The following TAFA1 variants were observed in gnomAD, a reference collection of about 807,000 sequenced individuals.
TAFA1 encodes the protein chemokine-like protein TAFA-1.
A neutral mutation model predicts 18.5 loss-of-function variants in TAFA1; 4 were observed. The ratio of observed to expected loss-of-function variants is 0.22; its 90% CI spans 0.11 to 0.49. TAFA1 has a LOEUF of 0.49. Ranked by LOEUF, TAFA1 falls within the 20% of genes least tolerant of loss-of-function variation. The pLI is 0.98. For synonymous variants in TAFA1, 56 were observed against 55.2 expected (o/e 1.01, Z -0.06); for missense variants, 147 against 169.0 (o/e 0.87, Z 0.72).
At chr3:68,282,063 A>T (rs945587079) in intron 2 of TAFA1, among the ~76,000 whole-genome samples, 13 of 152,284 alleles carry the variant, frequency 8.5e-5, no homozygotes, top group African/African-American at 2.9e-4. Flanking sequence ...CAGCAAGAGG[A>T]AGTGCTGAGC....
intron 2 of TAFA1, among the ~76,000 whole-genome samples, chr3:68,359,301 G>A (rs554329119): frequency 1.7e-4 from 26 of 152,060 alleles, no homozygotes; most frequent in South Asian, 8.3e-4. Flanking sequence ...TAATGATCCC[G>A]CCAATGATAC....
chr3:68,481,961 A>G (rs1279758462), intron 3 of TAFA1, among the ~76,000 whole-genome samples: 3 of 152,152 alleles, frequency 2.0e-5, no homozygotes, highest in African/African-American at 7.2e-5. Context: ...CAACTTTTAC[A>G]CAGAATCTGT....
At chr3:68,177,676 G>A (rs185782426) in intron 2 of TAFA1, among the ~76,000 whole-genome samples, 103 of 152,268 alleles carry the variant, frequency 6.8e-4, no homozygotes, top group African/African-American at 2.3e-3. Context: ...GAATATAATA[G>A]TTACAAGCTG....
intron 3 of TAFA1, among the ~76,000 whole-genome samples, chr3:68,430,678 C>T (rs1214906162): frequency 6.6e-6 from 1 of 151,936 alleles, no homozygotes; most frequent in East Asian, 1.9e-4. Context: ...CAAAGCAAAG[C>T]AAGTCAAATT....
intron 2 of TAFA1, among the ~76,000 whole-genome samples, chr3:68,168,474 C>T (rs1047056431): frequency 5.3e-5 from 8 of 152,210 alleles, no homozygotes; most frequent in Admixed American, 1.3e-4. Context: ...TATAACTTTA[C>T]ATTTCTGAAA....
chr3:68,544,397 A>G, intron 4 of TAFA1, 89 bp from the exon 5 acceptor site: 1 of 1,318,030 alleles, frequency 7.6e-7, no homozygotes, highest in Non-Finnish European at 1.1e-6. Context: ...TAAAGATTCA[A>G]GGTGTCCTCC....
intron 2 of TAFA1, among the ~76,000 whole-genome samples, chr3:68,172,797 TA>T (rs962481601): frequency 2.0e-5 from 3 of 151,956 alleles, no homozygotes; most frequent in African/African-American, 4.8e-5. Flanking sequence ...ATTTATTGAT[TA>T]AAAAAAAGTT....
chr3:68,490,819 C>T (rs993898175), intron 3 of TAFA1, among the ~76,000 whole-genome samples: 7 of 149,978 alleles, frequency 4.7e-5, no homozygotes, highest in Non-Finnish European at 1.0e-4. Context: ...TTAGAATCCT[C>T]TACAATTTTT....
chr3:68,528,052 A>C (rs897978789), intron 3 of TAFA1, among the ~76,000 whole-genome samples: 13 of 152,224 alleles, frequency 8.5e-5, no homozygotes, highest in African/African-American at 3.1e-4. Flanking sequence ...GAGCTGTAAA[A>C]AATGATCGTA....
intron 2 of TAFA1, among the ~76,000 whole-genome samples, chr3:68,279,329 C>T (rs564780837): frequency 1.3e-5 from 2 of 152,026 alleles, no homozygotes; most frequent in South Asian, 4.1e-4. Flanking sequence ...ACCTTGGAGC[C>T]CAGGTAAGTG....
At chr3:68,511,860 A>G (rs2072851471) in intron 3 of TAFA1, among the ~76,000 whole-genome samples, 1 of 152,084 alleles carries the variant, frequency 6.6e-6, no homozygotes, top group South Asian at 2.1e-4. Flanking sequence ...TACTTGTTGC[A>G]TACCTGGAAT....
chr3:68,305,823 C>G (rs1422725834), intron 2 of TAFA1, among the ~76,000 whole-genome samples: 1 of 152,136 alleles, frequency 6.6e-6, no homozygotes, highest in African/African-American at 2.4e-5. Context: ...TCCACCACTT[C>G]TAGCTATGTG....
At chr3:68,154,144 G>C (rs2065838390) in intron 2 of TAFA1, among the ~76,000 whole-genome samples, 1 of 152,098 alleles carries the variant, frequency 6.6e-6, no homozygotes, top group Non-Finnish European at 1.5e-5. Context: ...TCCTGGATCT[G>C]TCCATCTCTT....
chr3:68,274,550 C>T (rs61086473), intron 2 of TAFA1, among the ~76,000 whole-genome samples: 1 of 152,178 alleles, frequency 6.6e-6, no homozygotes, highest in Non-Finnish European at 1.5e-5. Flanking sequence ...CAAGACACAG[C>T]CTGCTTTGGC....
At chr3:68,057,206 C>T (rs997623651) in intron 2 of TAFA1, among the ~76,000 whole-genome samples, 1 of 152,152 alleles carries the variant, frequency 6.6e-6, no homozygotes, top group Non-Finnish European at 1.5e-5. Flanking sequence ...GTAGATTTGG[C>T]AGTGTGATAA....
intron 2 of TAFA1, among the ~76,000 whole-genome samples, chr3:68,184,819 T>C (rs1379736389): frequency 6.6e-6 from 1 of 152,168 alleles, no homozygotes; most frequent in Non-Finnish European, 1.5e-5. Context: ...ACCACCATTT[T>C]ACTTGTTAAA....
intron 3 of TAFA1, among the ~76,000 whole-genome samples, chr3:68,483,375 A>G (rs182156289): frequency 3.4e-4 from 52 of 152,366 alleles, no homozygotes; most frequent in African/African-American, 1.3e-3. Context: ...ACCCGGATCT[A>G]TATAATGCTT....
At chr3:68,124,320 A>G (rs1415274666) in intron 2 of TAFA1, among the ~76,000 whole-genome samples, 1 of 152,116 alleles carries the variant, frequency 6.6e-6, no homozygotes, top group Non-Finnish European at 1.5e-5. Context: ...GTCACTCTGT[A>G]CTTTCTGAGA....
intron 2 of TAFA1, among the ~76,000 whole-genome samples, chr3:68,114,596 C>A (rs917016469): frequency 2.0e-5 from 3 of 152,268 alleles, no homozygotes; most frequent in Non-Finnish European, 4.4e-5. Flanking sequence ...ACGATATGAG[C>A]AACTTCGATT....
Sources: gnomAD v4.1 joint callset for allele counts (sites outside exome capture counted in the v4.1 genomes callset) on GRCh38, gnomAD v4.1.1 for gene constraint, MANE v1.5 for transcripts, NCBI Gene and HGNC (gene_info 2026-07-23, HGNC 2026-07-21) for gene names.